RARB: variants seen among roughly 807,000 people sequenced by gnomAD.
The protein encoded by RARB is HBV-activated protein.
In RARB, 17 loss-of-function variants were observed where a neutral mutation model predicts 51.9. The ratio of observed to expected loss-of-function variants is 0.33; its 90% CI spans 0.22 to 0.49. The LOEUF (loss-of-function observed/expected upper bound fraction) is 0.49, where lower values mean the gene tolerates loss of function less well. Ranked by LOEUF, RARB falls within the 20% of genes least tolerant of loss-of-function variation. The probability of loss-of-function intolerance (pLI) is 0.99; values close to 1 mark genes in which losing one functional copy is unlikely to be tolerated. For synonymous variants in RARB, 215 were observed against 195.4 expected (o/e 1.10, Z -0.84); for missense variants, 369 against 550.8 (o/e 0.67, Z 3.30).
At chr3:25,411,929 G>A (rs1024289798) in intron 5 of RARB, among the ~76,000 whole-genome samples, 3 of 152,196 alleles carry the variant, frequency 2.0e-5, no homozygotes, top group African/African-American at 4.8e-5. Context: ...GGACTGCAAG[G>A]CTAGGTAGGA....
intron 3 of RARB, among the ~76,000 whole-genome samples, chr3:25,505,135 T>C (rs1410055044): frequency 6.6e-6 from 1 of 152,144 alleles, no homozygotes; most frequent in African/African-American, 2.4e-5. Flanking sequence ...CCCTATGAGA[T>C]AGATTAGTTA....
In RARB at chr3:25,039,719, G is replaced by T. The variant is rs1575131282; in HGVS notation, c.-379-20406G>T. 2.0e-5 allele frequency among the ~76,000 whole-genome samples: 3 copies of T among 152,220 alleles called. No homozygotes were observed. In the East Asian group the frequency reaches 5.8e-4, roughly 29 times the overall value. ...GTAATAAATTTGGAGGTAGAACTTTGGGCACCAAAGATTATTTTGGATTCC... is the reference window on the plus strand; with the variant it reads ...GTAATAAATTTGGAGGTAGAACTTTTGGCACCAAAGATTATTTTGGATTCC... On this transcript the variant is annotated intron_variant, in intron 2 of 11. Coordinates refer to the RARB transcript ENST00000383772.
chr3:25,440,867 T>A (rs1708644946), intron 1 of RARB, among the ~76,000 whole-genome samples: 1 of 152,224 alleles, frequency 6.6e-6, no homozygotes, highest in Non-Finnish European at 1.5e-5. Context: ...GTTGAACTAC[T>A]GAACCTTGTT....
chr3:25,299,877 C>T (rs1237681020), intron 5 of RARB, among the ~76,000 whole-genome samples: 1 of 152,176 alleles, frequency 6.6e-6, no homozygotes, highest in African/African-American at 2.4e-5. Flanking sequence ...CCCCTTGCAA[C>T]TGACTGTGGA....
intron 2 of RARB, among the ~76,000 whole-genome samples, chr3:24,939,541 A>C (rs1575081615): frequency 6.6e-6 from 1 of 152,212 alleles, no homozygotes; most frequent in Admixed American, 6.5e-5. Context: ...GGTCAGAAAA[A>C]GGCAAACTCT....
intron 5 of RARB, among the ~76,000 whole-genome samples, chr3:25,192,940 G>A (rs1012385720): frequency 6.6e-6 from 1 of 152,000 alleles, no homozygotes. Flanking sequence ...ATGGAACCAA[G>A]AGCCAGGCCC....
chr3:24,874,943 A>G (rs1253512265), intron 2 of RARB, among the ~76,000 whole-genome samples: 2 of 152,098 alleles, frequency 1.3e-5, no homozygotes, highest in Non-Finnish European at 2.9e-5. Context: ...TTACATTAGA[A>G]ATAGACAATT....
At chr3:25,537,314 T>C (rs1012127059) in intron 3 of RARB, among the ~76,000 whole-genome samples, 6 of 152,264 alleles carry the variant, frequency 3.9e-5, no homozygotes, top group African/African-American at 9.6e-5. Context: ...GCTTATGTTC[T>C]TGTAAATTAC....
At chr3:24,865,440 A>T (rs908227860) in intron 2 of RARB, among the ~76,000 whole-genome samples, 21 of 152,150 alleles carry the variant, frequency 1.4e-4, no homozygotes, top group Admixed American at 1.1e-3. Flanking sequence ...TACCCAGTGT[A>T]GTAGAAACTT....
rs556947064 is a variant in RARB, at chr3:25,575,830, G to A, written c.610-4716G>A. 1.1e-4 allele frequency among the ~76,000 whole-genome samples: 17 copies of A among 152,234 alleles called. No individual in the cohort carries two copies. In the South Asian group the frequency reaches 3.5e-3, roughly 32 times the overall value. ...CTAGGATTTCAACACATCTTTTTGAGGAACACAGTTTAACCCGTAACAAAC... is the reference window on the plus strand; with the variant it reads ...CTAGGATTTCAACACATCTTTTTGAAGAACACAGTTTAACCCGTAACAAAC... On this transcript the variant is annotated intron_variant, in intron 4 of 7. Coordinates refer to ENST00000330688, the MANE Select transcript of RARB (RefSeq NM_000965.5).
intron 2 of RARB, among the ~76,000 whole-genome samples, chr3:24,934,846 A>G (rs1032930153): frequency 6.6e-6 from 1 of 152,116 alleles, no homozygotes; most frequent in Admixed American, 6.6e-5. Context: ...AAAGCCTATG[A>G]GTGATGACTA....
At chr3:25,551,023 A>T (rs981583635) in intron 3 of RARB, among the ~76,000 whole-genome samples, 9 of 152,200 alleles carry the variant, frequency 5.9e-5, no homozygotes, top group Admixed American at 2.0e-4. Flanking sequence ...ACAAACATTT[A>T]GTCTATAGAA....
At chr3:25,104,974 G>A (rs143656861) in intron 3 of RARB, among the ~76,000 whole-genome samples, 34 of 152,256 alleles carry the variant, frequency 2.2e-4, no homozygotes, top group African/African-American at 7.9e-4. Context: ...CTGAATGAGG[G>A]TCACGAGTGC....
chr3:25,075,927 T>C (rs13353419), intron 3 of RARB, among the ~76,000 whole-genome samples: 109,338 of 151,422 alleles, frequency 0.72, 40,117 homozygotes, highest in Admixed American at 0.81. Context: ...GTTTATCTGT[T>C]TGTGCCATTA....
chr3:24,834,697 C>T (rs763831405), intron 1 of RARB, among the ~76,000 whole-genome samples: 1 of 152,046 alleles, frequency 6.6e-6, no homozygotes, highest in South Asian at 2.1e-4. Flanking sequence ...TCATTGGACT[C>T]GAAGGTCAAG....
chr3:25,017,216 C>A (rs1474787774), intron 2 of RARB, among the ~76,000 whole-genome samples: 1 of 147,912 alleles, frequency 6.8e-6, no homozygotes, highest in South Asian at 2.1e-4. Flanking sequence ...TAGCTTTCCC[C>A]CCCCCTTTCA....
intron 5 of RARB, among the ~76,000 whole-genome samples, chr3:25,194,790 G>T (rs898630784): frequency 6.6e-6 from 1 of 151,782 alleles, no homozygotes; most frequent in Non-Finnish European, 1.5e-5. Context: ...TTTTAAAAAA[G>T]ACTGTGGAAT....
intron 3 of RARB, among the ~76,000 whole-genome samples, chr3:25,550,254 C>A (rs778004218): frequency 6.6e-6 from 1 of 152,086 alleles, no homozygotes; most frequent in Non-Finnish European, 1.5e-5. Flanking sequence ...TTTCCTAAAG[C>A]CTTGAGGAAA....
chr3:25,273,875 C>T (rs141331313), intron 5 of RARB, among the ~76,000 whole-genome samples: 315 of 152,286 alleles, frequency 2.1e-3, no homozygotes, highest in African/African-American at 7.1e-3. Context: ...CAGGCACCTC[C>T]AGGTTATGGG....
Sources: gnomAD v4.1 joint callset for allele counts (sites outside exome capture counted in the v4.1 genomes callset) on GRCh38, gnomAD v4.1.1 for gene constraint, MANE v1.5 for transcripts, NCBI Gene and HGNC (gene_info 2026-07-23, HGNC 2026-07-21) for gene names.